Variants in DCAF1 observed in about 807,000 individuals in gnomAD.
DCAF1 encodes DDB1 and CUL4 associated factor 1, also known as DDB1- and CUL4-associated factor 1.
Under a neutral mutation model 128.0 loss-of-function variants are expected in DCAF1, and 15 were observed. The observed-to-expected ratio is 0.12, with a 90% CI of 0.08 to 0.18. The LOEUF (loss-of-function observed/expected upper bound fraction) is 0.18. DCAF1 is among the 10% of genes least tolerant of loss of function. The probability of loss-of-function intolerance (pLI) is 1.00; values close to 1 mark genes in which losing one functional copy is unlikely to be tolerated. For missense variants in DCAF1, 988 were observed against 1,649.5 expected, an observed-to-expected ratio of 0.60 and a Z score of 6.95; for synonymous variants, 610 against 603.0, an observed-to-expected ratio of 1.01 and a Z score of -0.17.
intron 5 of DCAF1, among the ~76,000 whole-genome samples, 173 bp downstream of exon 5, chr3:51,466,630 A>G (rs1042636550): frequency 6.6e-6 from 1 of 152,194 alleles, no homozygotes; most frequent in Non-Finnish European, 1.5e-5. Context: ...CCTCACCAAT[A>G]TCAAAGTACA....
Position 51,414,047 on chromosome 3 carries a change from G to C in DCAF1, c.3838-4C>G, listed in dbSNP as rs1553629521. On this transcript the variant is annotated splice_polypyrimidine_tract_variant and splice_region_variant and intron_variant, in intron 19 of 24. Coordinates refer to ENST00000684031, the MANE Select transcript of DCAF1 (RefSeq NM_001387579.1). ...GATGAAAAGTTCGAAGGTCCCACTA[G>C]GAGGGGAATGGTCAAGGAAAACTAT... 16 of 1,595,386 alleles carry C rather than the reference G, an allele frequency of 1.0e-5. No homozygotes were observed. Among genetic ancestry groups the C allele is most frequent in the African/African-American group, 1.3e-5 (1 of 74,468 alleles).
At chr3:51,485,885 A>ATT (rs10536057) in intron 2 of DCAF1, among the ~76,000 whole-genome samples, 7 of 136,798 alleles carry the variant, frequency 5.1e-5, no homozygotes, top group South Asian at 2.3e-4. Flanking sequence ...AAGATTATTT[A>ATT]TTTTTTTTTT....
downstream of DCAF1, chr3:51,396,300 C>T (rs1229673863): frequency 1.1e-5 from 2 of 187,072 alleles, no homozygotes; most frequent in Non-Finnish European, 2.4e-5. Flanking sequence ...TGTCCCATGG[C>T]CCCAAAAAGA....
intron 7 of DCAF1, among the ~76,000 whole-genome samples, chr3:51,443,467 G>A (rs1048814086): frequency 6.6e-6 from 1 of 151,878 alleles, no homozygotes; most frequent in South Asian, 2.1e-4. Context: ...GTGGGAACCT[G>A]TAACCCCAGC....
chr3:51,479,906 A>G (rs1705954285), intron 3 of DCAF1, among the ~76,000 whole-genome samples: 1 of 152,144 alleles, frequency 6.6e-6, no homozygotes, highest in South Asian at 2.1e-4. Flanking sequence ...GGTGGCCAGT[A>G]TGGTGGTTCA....
chr3:51,444,959 G>A (rs1356877350), intron 6 of DCAF1, among the ~76,000 whole-genome samples: 1 of 152,260 alleles, frequency 6.6e-6, no homozygotes, highest in Non-Finnish European at 1.5e-5. Context: ...ACAGGCATGA[G>A]CCACCATGCC....
At chr3:51,484,398 G>A (rs1706662631) in intron 2 of DCAF1, among the ~76,000 whole-genome samples, 1 of 150,226 alleles carries the variant, frequency 6.7e-6, no homozygotes, top group Non-Finnish European at 1.5e-5. Context: ...ACTTGAACCT[G>A]GGAGGTAGAG....
intron 12 of DCAF1, 57 bp downstream of exon 12, chr3:51,429,204 T>G: frequency 1.4e-6 from 1 of 714,844 alleles, no homozygotes; most frequent in South Asian, 1.5e-5. Flanking sequence ...GTTTCAGGAC[T>G]GAGATGCTAC....
chr3:51,494,952 T>C (rs1488976745), intron 2 of DCAF1, among the ~76,000 whole-genome samples: 5 of 152,188 alleles, frequency 3.3e-5, no homozygotes, highest in African/African-American at 1.2e-4. Flanking sequence ...TGCCTGAAGA[T>C]AATTATAACT....
At chr3:51,436,255 G>T (rs1412573109) in intron 9 of DCAF1, 2 of 426,178 alleles carry the variant, frequency 4.7e-6, no homozygotes, top group Admixed American at 2.5e-5. Flanking sequence ...TGCATAGAAA[G>T]AAAAGGATGG....
At chr3:51,437,406 G>C in intron 9 of DCAF1, 1 of 512,684 alleles carries the variant, frequency 2.0e-6, no homozygotes, top group Non-Finnish European at 3.9e-6. Context: ...TATCCATGAT[G>C]ACTAAGCTGA....
intron 6 of DCAF1, among the ~76,000 whole-genome samples, chr3:51,456,053 G>A (rs1177884092): frequency 3.9e-5 from 6 of 152,238 alleles, no homozygotes; most frequent in African/African-American, 1.2e-4. Flanking sequence ...GTGCCAGACA[G>A]TAGGTGCAGG....
At position 51,429,512 on chromosome 3, in the gene DCAF1, C is replaced by A. The variant is rs193107614; in HGVS notation, c.1468-42G>T. The A allele has an allele frequency of 4.3e-5, 33 of 770,188 alleles. No individual in the cohort carries two copies. The Admixed American group carries it at 5.5e-4, about 13-fold the overall frequency. The allele number at this position is 770,188 out of a possible 1,614,324, so 47.7% of individuals were successfully genotyped here. ...TATTGGGGCAAAAGAGGGGAAAAGG[C>A]AAGAAGAGTTAAGTAAAAATATTTA... On this transcript the variant is annotated intron_variant, in intron 11 of 24. Transcript: ENST00000684031.
At chr3:51,484,910 G>A (rs138312665) in intron 2 of DCAF1, among the ~76,000 whole-genome samples, 3 of 138,682 alleles carry the variant, frequency 2.2e-5, no homozygotes, top group East Asian at 2.1e-4. Context: ...CTCAAACTCC[G>A]TTTTTTGTTT....
intron 23 of DCAF1, among the ~76,000 whole-genome samples, chr3:51,411,303 T>C (rs1459430994): frequency 6.6e-6 from 1 of 152,178 alleles, no homozygotes; most frequent in Non-Finnish European, 1.5e-5. Context: ...CAAATCCTAG[T>C]CATTCATTTT....
At chr3:51,423,050 AGAGT>A (rs1395683325) in intron 13 of DCAF1, among the ~76,000 whole-genome samples, 1 of 152,144 alleles carries the variant, frequency 6.6e-6, no homozygotes, top group Non-Finnish European at 1.5e-5. Flanking sequence ...TCTGGGCAAC[AGAGT>A]GAGAGCCTGT....
chr3:51,489,533 A>G (rs1707371662), intron 2 of DCAF1, among the ~76,000 whole-genome samples: 1 of 151,956 alleles, frequency 6.6e-6, no homozygotes, highest in Non-Finnish European at 1.5e-5. Context: ...TCATGCCTGT[A>G]ATTTCAGAAC....
chr3:51,455,852 A>T (rs782582530), intron 6 of DCAF1, among the ~76,000 whole-genome samples: 12 of 151,942 alleles, frequency 7.9e-5, no homozygotes, highest in Non-Finnish European at 1.6e-4. Context: ...AGCCAAGATC[A>T]CACCACTGCA....
intron 23 of DCAF1, among the ~76,000 whole-genome samples, chr3:51,411,331 C>G (rs1698399275): frequency 1.3e-5 from 2 of 152,170 alleles, no homozygotes; most frequent in Admixed American, 6.5e-5. Flanking sequence ...ACAGTACTCA[C>G]TCAGCAATAA....
Sources: gnomAD v4.1 joint callset for allele counts (sites outside exome capture counted in the v4.1 genomes callset) on GRCh38, gnomAD v4.1.1 for gene constraint, MANE v1.5 for transcripts, NCBI Gene and HGNC (gene_info 2026-07-23, HGNC 2026-07-21) for gene names.